SCAF8: variants seen among roughly 807,000 people sequenced by gnomAD.
The protein encoded by SCAF8 is SR-related and CTD-associated factor 8.
Under a neutral mutation model 140.5 loss-of-function variants are expected in SCAF8, and 23 were observed. That is an observed-to-expected ratio of 0.16 (90% confidence interval 0.12 to 0.23). The LOEUF is 0.23. Ranked by LOEUF, SCAF8 falls within the 10% of genes least tolerant of loss-of-function variation. The pLI is 1.00. For synonymous variants in SCAF8, 575 were observed against 528.9 expected (o/e 1.09, Z -1.20); for missense variants, 1,397 against 1,555.7 (o/e 0.90, Z 1.72).
At chr6:154,790,472 CAT>C (rs1320797581) in intron 4 of SCAF8, among the ~76,000 whole-genome samples, 3 of 123,310 alleles carry the variant, frequency 2.4e-5, no homozygotes, top group Admixed American at 8.7e-5. Context: ...CTTTGTAAAA[CAT>C]ATACATTTAA....
In SCAF8 at chr6:154,794,771, GGT is replaced by G. The variant is rs1777540304; in HGVS notation, c.476-234_476-233del. On this transcript the variant is annotated intron_variant, in intron 5 of 19. Transcript: ENST00000367178. ...CAGATCCTTTTGGTGGGGGGGGGGGGGTGTGGGGGGTGTGTGTGTGTGTGTGT... is the reference window on the plus strand; with the variant it reads ...CAGATCCTTTTGGTGGGGGGGGGGGGGTGGGGGGTGTGTGTGTGTGTGTGT... Among the ~76,000 whole-genome samples the G allele has an allele frequency of 2.0e-4, 11 of 55,148 alleles. 1 individual carries two copies. The highest frequency in any genetic ancestry group is 4.7e-4 in the African/African-American group (5 of 10,698). 36.2% of individuals were successfully genotyped at this position (55,148 alleles called of 152,430 possible). A position where few individuals can be genotyped will look rare whatever the true frequency, so the allele number is the denominator to read the frequency against.
intron 4 of SCAF8, among the ~76,000 whole-genome samples, chr6:154,790,537 G>T (rs1349196133): frequency 2.2e-5 from 2 of 88,922 alleles, no homozygotes; most frequent in Non-Finnish European, 2.1e-5. Flanking sequence ...TTGAGACGGA[G>T]TCTCGCTCTG....
chr6:154,770,753 G>A (rs1285286095), intron 1 of SCAF8, among the ~76,000 whole-genome samples: 1 of 152,078 alleles, frequency 6.6e-6, no homozygotes, highest in Non-Finnish European at 1.5e-5. Context: ...GGTTTTTGTT[G>A]TTGTTGTTTT....
rs1183671310 is a variant in SCAF8 at position 154,794,780 on chromosome 6, GGTGTGTGTGT to G, written c.476-188_476-179del. Among the ~76,000 whole-genome samples, 111 of 12,530 alleles carry G rather than the reference GGTGTGTGTGT, an allele frequency of 8.9e-3. 14 individuals are homozygous for G. The highest frequency in any genetic ancestry group is 0.12 in the Middle Eastern group (1 of 8). 8.2% of individuals were successfully genotyped at this position (12,530 alleles called of 152,430 possible). ...TTGGTGGGGGGGGGGGGGTGTGGGG[GGTGTGTGTGT>G]GTGTGTGTGTGTGTGTGTGTGTGTG... On this transcript the variant is annotated intron_variant, in intron 5 of 19. Coordinates refer to ENST00000367178, the MANE Select transcript of SCAF8 (RefSeq NM_014892.5).
intron 1 of SCAF8, among the ~76,000 whole-genome samples, chr6:154,736,265 CTTTTTTTT>C (rs71021071): frequency 1.3e-5 from 1 of 78,450 alleles, no homozygotes; most frequent in Non-Finnish European, 2.3e-5. Context: ...CCATCCAAGA[CTTTTTTTT>C]TTTTTTTTTT....
rs552774626 is a variant in SCAF8 at position 154,760,528 on chromosome 6, C to T, written c.31-13461C>T. ...AAATTCTGAGAAATACATACAGTAT[C>T]GCACACTCTTCACCACATTATTGCA... is the stretch of plus-strand genomic sequence containing the variant. On this transcript the variant is annotated intron_variant, in intron 1 of 19. Coordinates refer to ENST00000367178, the MANE Select transcript of SCAF8 (RefSeq NM_014892.5). Among the ~76,000 whole-genome samples, 15 of 152,112 alleles carry T rather than the reference C, an allele frequency of 9.9e-5. 1 individual carries two copies. The highest frequency in any genetic ancestry group is 2.9e-4 in the African/African-American group (12 of 41,484).
chr6:154,773,405 CAT>C (rs1215971244), intron 1 of SCAF8, among the ~76,000 whole-genome samples: 2 of 152,136 alleles, frequency 1.3e-5, no homozygotes, highest in Non-Finnish European at 2.9e-5. Flanking sequence ...TTTTATGGCT[CAT>C]ATTTCGTCGA....
Position 154,824,326 on chromosome 6 carries a change from C to A in SCAF8, c.2019C>A (p.Ile673=). The A allele has an allele frequency of 6.2e-7, 1 of 1,613,944 alleles. No individual in the cohort carries two copies. Among genetic ancestry groups the A allele is most frequent in the Non-Finnish European group, 8.5e-7 (1 of 1,179,798 alleles). Residue 673 remains isoleucine (I), a synonymous_variant, in exon 17 of 20, where the codon ATC becomes ATA. Coordinates refer to ENST00000367178, the MANE Select transcript of SCAF8 (RefSeq NM_014892.5). ...TTCCTCCTCCTGGATTCAGTCCAAT[C>A]CCTCCACCTCCTTTTTTAAGAGCAA... ...MPVPPPGFSP[I]PPPPFLRASF...
At position 154,832,565 on chromosome 6, in the gene SCAF8, A is replaced by T; in HGVS notation, c.2986A>T (p.Asn996Tyr). The T allele has an allele frequency of 6.2e-7, 1 of 1,614,194 alleles. No homozygotes were observed. ...AAGACAAAGCGTAGACAATGTTACT[A>T]ACCCAGAAAAAAGGATACCACTTGG... is the stretch of plus-strand genomic sequence containing the variant. ...PGRQSVDNVTNPEKRIPLGND... is the reference protein window; with the variant it reads ...PGRQSVDNVTYPEKRIPLGND... Residue 996 changes from asparagine (N) to tyrosine (Y), a missense_variant, in exon 20 of 20, where the codon AAC becomes TAC. Physicochemically the swap from Asn to Tyr is moderately radical, Grantham distance 143. Coordinates refer to ENST00000367178, the MANE Select transcript of SCAF8 (RefSeq NM_014892.5).
At chr6:154,765,488 T>C (rs966271131) in intron 1 of SCAF8, among the ~76,000 whole-genome samples, 5 of 152,196 alleles carry the variant, frequency 3.3e-5, no homozygotes, top group Non-Finnish European at 7.3e-5. Context: ...AGAAAACAGT[T>C]TATTTTTGTA....
chr6:154,833,588 G>T lies in SCAF8; in HGVS notation c.*193G>T. The T allele has an allele frequency of 2.2e-6, 1 of 457,570 alleles. No homozygotes were observed. The highest frequency in any genetic ancestry group is 2.0e-5 in the African/African-American group (1 of 49,426). The allele number at this position is 457,570 out of a possible 1,614,324, so 28.3% of individuals were successfully genotyped here. A position where few individuals can be genotyped will look rare whatever the true frequency, so the allele number is the denominator to read the frequency against. On this transcript the variant is annotated 3_prime_UTR_variant, in exon 20 of 20. Coordinates refer to ENST00000367178, the MANE Select transcript of SCAF8 (RefSeq NM_014892.5). The stretch of plus-strand genomic sequence containing the variant: ...ATTGTTCTTAATATGAACATGGTAG[G>T]TAAACTTTTTTTTTATTTTTTTCTG...
At position 154,784,152 on chromosome 6, in the gene SCAF8, TA is replaced by T. The variant is rs1562444228; in HGVS notation, c.160-3708del. On this transcript the variant is annotated intron_variant, in intron 3 of 19. Coordinates refer to ENST00000367178, the MANE Select transcript of SCAF8 (RefSeq NM_014892.5). ...ATATATATATATATATATATATATA[TA>T]TATATTTATTTATTTATTTTTCATG... Among the ~76,000 whole-genome samples the T allele has an allele frequency of 3.8e-3, 430 of 113,722 alleles. 6 individuals carry two copies. Among genetic ancestry groups the T allele is most frequent in the East Asian group, 0.025 (96 of 3,912 alleles). The allele number at this position is 113,722 out of a possible 152,430, so 74.6% of individuals were successfully genotyped here. A position where few individuals can be genotyped will look rare whatever the true frequency, so the allele number is the denominator to read the frequency against.
chr6:154,794,453 A>G (rs1320376652), intron 5 of SCAF8, among the ~76,000 whole-genome samples: 3 of 152,178 alleles, frequency 2.0e-5, no homozygotes, highest in Non-Finnish European at 2.9e-5. Flanking sequence ...ATAGGTGAGT[A>G]TAGTACAATA....
intron 1 of SCAF8, among the ~76,000 whole-genome samples, chr6:154,738,206 A>AG (rs1778478120): frequency 6.6e-6 from 1 of 152,020 alleles, no homozygotes; most frequent in Admixed American, 6.5e-5. Flanking sequence ...AAAAAAAAAA[A>AG]AAAGAAAAGA....
intron 3 of SCAF8, 104 bp downstream of exon 3, chr6:154,778,149 T>C: frequency 1.6e-6 from 1 of 618,110 alleles, no homozygotes; most frequent in South Asian, 2.0e-5. Flanking sequence ...GATGGACTGT[T>C]AAAAAGTGAT....
chr6:154,734,274 C>T (rs1374991010), intron 1 of SCAF8, among the ~76,000 whole-genome samples: 1 of 152,230 alleles, frequency 6.6e-6, no homozygotes, highest in African/African-American at 2.4e-5. Flanking sequence ...GGCCCGCCCA[C>T]CTCCTTCCTG....
intron 1 of SCAF8, among the ~76,000 whole-genome samples, chr6:154,740,627 T>TTTTC (rs1778544714): frequency 6.8e-6 from 1 of 147,310 alleles, no homozygotes; most frequent in East Asian, 1.9e-4. Context: ...TTCTTTTTCT[T>TTTTC]TTTTTTTTTT....
intron 14 of SCAF8, among the ~76,000 whole-genome samples, chr6:154,819,211 T>C (rs768865614): frequency 3.9e-5 from 6 of 152,336 alleles, no homozygotes; most frequent in Non-Finnish European, 7.3e-5. Flanking sequence ...AAAGTTAATA[T>C]ATGCTCATCT....
intron 3 of SCAF8, among the ~76,000 whole-genome samples, chr6:154,782,859 G>A (rs1460429347): frequency 6.6e-6 from 1 of 152,000 alleles, no homozygotes; most frequent in East Asian, 1.9e-4. Flanking sequence ...TGATTAGATG[G>A]TGCCCACCCA....
Sources: allele counts gnomAD v4.1 joint callset (sites outside exome capture counted in the v4.1 genomes callset), GRCh38; gene constraint gnomAD v4.1.1; transcripts MANE v1.5; gene names NCBI Gene and HGNC (gene_info 2026-07-23, HGNC 2026-07-21).